UBXN11: variants seen among roughly 807,000 people sequenced by gnomAD.
UBXN11 encodes UBX domain-containing protein 11.
UBXN11 carries 47 observed loss-of-function variants against 62.8 expected under a neutral mutation model. That is an observed-to-expected ratio of 0.75 (90% confidence interval 0.59 to 0.95). The LOEUF (loss-of-function observed/expected upper bound fraction) is 0.95, where lower values mean the gene tolerates loss of function less well. UBXN11 is among the 40% of genes least tolerant of loss of function. The probability of loss-of-function intolerance (pLI) is 0.00; values close to 1 mark genes in which losing one functional copy is unlikely to be tolerated. For missense variants in UBXN11, 638 were observed against 661.7 expected, an observed-to-expected ratio of 0.96 and a Z score of 0.39; for synonymous variants, 294 against 267.0, an observed-to-expected ratio of 1.10 and a Z score of -0.99.
chr1:26,282,615 C>T (rs756296771), intron 14 of UBXN11, 34 bp downstream of exon 14: 2 of 1,612,888 alleles, frequency 1.2e-6, no homozygotes, highest in Admixed American at 3.3e-5. Flanking sequence ...GGGACCAGAG[C>T]CCCTCTGTGG....
intron 8 of UBXN11, among the ~76,000 whole-genome samples, chr1:26,291,111 G>A (rs1400811191): frequency 1.3e-5 from 2 of 152,110 alleles, no homozygotes; most frequent in African/African-American, 2.4e-5. Context: ...CCACTGGCTC[G>A]GCACAGACGG....
intron 1 of UBXN11, chr1:26,306,285 CACA>C (rs1394873122): frequency 2.0e-5 from 3 of 152,378 alleles, no homozygotes; most frequent in African/African-American, 7.2e-5. Context: ...GTGCTTGACT[CACA>C]ACATTCTTCT....
At position 26,298,054 on chromosome 1, in the gene UBXN11, A is replaced by G. The variant is rs1385004996; in HGVS notation, c.208T>C (p.Ser70Pro). 2.5e-6 allele frequency: 4 copies of G among 1,613,184 alleles called. No individual in the cohort carries two copies. In the African/African-American group the frequency reaches 5.3e-5, roughly 22 times the overall value. The change falls in exon 5 of 15, where the codon TCC becomes CCC. Residue 70 changes from serine to proline, a missense_variant. By Grantham distance (74) the Ser-to-Pro change is moderately conservative. Transcript: ENST00000374222. ...GAPVSRQVPA[S>P]HDSELMAFMT... ...AAGGCCATCAGCTCCGAGTCATGGG[A>G]TGCAGGGACTGCCAAGCACACAAAG...
intron 9 of UBXN11, 31 bp from the exon 10 acceptor site, chr1:26,285,572 G>T: frequency 6.5e-7 from 1 of 1,533,020 alleles, no homozygotes; most frequent in South Asian, 1.3e-5. Context: ...TGAGGGGGTG[G>T]CCTGGGCCTT....
chr1:26,301,692 AC>A lies in UBXN11; in HGVS notation c.100+1del. On this transcript the variant is annotated splice_donor_variant, in intron 3 of 14. Transcript: ENST00000374222. LOFTEE classifies it high-confidence loss of function. The stretch of plus-strand genomic sequence containing the variant: ...GAGGGCACGAGGGCGGGGCACACTT[AC>A]CATCTCCATAGATGCGGATTCCTCG... 1 of 1,613,920 alleles carries A rather than the reference AC, an allele frequency of 6.2e-7. No homozygotes were observed. Among genetic ancestry groups the A allele is most frequent in the Non-Finnish European group, 8.5e-7 (1 of 1,179,928 alleles).
chr1:26,292,503 G>C (rs755268110), intron 8 of UBXN11, among the ~76,000 whole-genome samples: 2 of 151,976 alleles, frequency 1.3e-5, no homozygotes, highest in African/African-American at 4.8e-5. Flanking sequence ...AGGCAAAAGT[G>C]AGACCCTGCC....
intron 8 of UBXN11, 24 bp downstream of exon 8, chr1:26,294,181 C>T (rs376177405): frequency 6.8e-6 from 11 of 1,612,578 alleles, no homozygotes; most frequent in Admixed American, 1.7e-5. Context: ...TTGAAGAGGG[C>T]CTGGGGCAGA....
At chr1:26,293,311 A>G (rs1045044379) in intron 8 of UBXN11, among the ~76,000 whole-genome samples, 1 of 152,156 alleles carries the variant, frequency 6.6e-6, no homozygotes, top group African/African-American at 2.4e-5. Flanking sequence ...TTTGGGTGAC[A>G]ATCTCCATTC....
At chr1:26,302,974 G>C (rs11803933) in intron 1 of UBXN11, 56 bp from the exon 2 acceptor site, 932,436 of 1,297,338 alleles carry the variant, frequency 0.72, 340,339 homozygotes, top group Non-Finnish European at 0.76. Flanking sequence ...CCAAGCCCAG[G>C]GGGTAGCCTG....
intron 8 of UBXN11, among the ~76,000 whole-genome samples, chr1:26,293,119 G>A (rs991147974): frequency 2.0e-5 from 3 of 152,212 alleles, no homozygotes; most frequent in Non-Finnish European, 4.4e-5. Flanking sequence ...AACAATGGCT[G>A]CAAGGCCAGA....
chr1:26,302,512 A>C (rs2073563790), intron 2 of UBXN11, among the ~76,000 whole-genome samples: 2 of 152,206 alleles, frequency 1.3e-5, no homozygotes, highest in Non-Finnish European at 2.9e-5. Context: ...GGCCTGGCCC[A>C]GGATAGGTCC....
Position 26,285,225 on chromosome 1 carries a change from G to A in UBXN11, c.852+239C>T, listed in dbSNP as rs549742484. On this transcript the variant is annotated intron_variant, in intron 10 of 14. Transcript: ENST00000374222. ...AAGCTGGGGAGGACTAGAAGGCAGGGGCCCCGCAGCCGAGGCTGTCTCCAG... is the reference window on the plus strand; with the variant it reads ...AAGCTGGGGAGGACTAGAAGGCAGGAGCCCCGCAGCCGAGGCTGTCTCCAG... The A allele has an allele frequency of 1.6e-4, 207 of 1,309,296 alleles. No individual in the cohort carries two copies. In the African/African-American group the frequency reaches 2.4e-3, roughly 15 times the overall value. The allele number at this position is 1,309,296 out of a possible 1,614,324, so 81.1% of individuals were successfully genotyped here. A position where few individuals can be genotyped will look rare whatever the true frequency, so the allele number is the denominator to read the frequency against.
chr1:26,301,161 G>A (rs2073524759), intron 3 of UBXN11, 137 bp from the exon 4 acceptor site: 2 of 1,505,538 alleles, frequency 1.3e-6, no homozygotes, highest in Admixed American at 4.3e-5. Context: ...ACAAGGCTGG[G>A]GAGCAAGGAT....
chr1:26,282,661 AG>A lies in UBXN11; in HGVS notation c.1279del (p.Leu427Ter). ...GCCCTGCACCCACCTGGCCTGCGCT[AG>A]CAGAGCTCGCACGTCCCCAATGGTG... ...DNTIGDVRAL[L>X]AQARVMDASA... On this transcript the variant is annotated frameshift_variant, in exon 14 of 15. Transcript: ENST00000374222. LOFTEE classifies it low-confidence loss of function (END_TRUNC). 1.2e-6 allele frequency: 2 copies of A among 1,614,116 alleles called. No homozygotes were observed. Among genetic ancestry groups the A allele is most frequent in the Non-Finnish European group, 1.7e-6 (2 of 1,180,022 alleles).
intron 1 of UBXN11, chr1:26,317,835 C>T: frequency 1.7e-6 from 1 of 596,354 alleles, no homozygotes; most frequent in Non-Finnish European, 3.0e-6. Context: ...TATTATCCAC[C>T]CCCAGATCTG....
chr1:26,296,812 C>T (rs999856002), intron 7 of UBXN11, 107 bp downstream of exon 7: 20 of 1,189,136 alleles, frequency 1.7e-5, no homozygotes, highest in Admixed American at 2.4e-5. Context: ...TGGGATGTGA[C>T]GAGGAGAGGC....
In UBXN11 at chr1:26,282,588, A is replaced by C. The variant is rs1012846171; in HGVS notation, c.1293-19T>G. On this transcript the variant is annotated intron_variant, in intron 14 of 14. Transcript: ENST00000374222. ...CATGACCCTGGGGACCAGGCAGAGC[A>C]GATCAGGCTGGGCAGTGGGACCAGA... The C allele has an allele frequency of 1.2e-6, 2 of 1,610,198 alleles. No individual in the cohort carries two copies. The highest frequency in any genetic ancestry group is 3.3e-5 in the Admixed American group (2 of 59,872).
chr1:26,297,801 G>A lies in UBXN11; in HGVS notation c.300+161C>T, dbSNP rs182770114. Among the ~76,000 whole-genome samples the A allele has an allele frequency of 7.9e-5, 12 of 152,332 alleles. No homozygotes were observed. In the East Asian group the frequency reaches 2.3e-3, roughly 29 times the overall value. On this transcript the variant is annotated intron_variant, in intron 5 of 14. Coordinates refer to ENST00000374222, the MANE Select transcript of UBXN11 (RefSeq NM_001389556.1). ...CCCCAGCCTCTCGGCTCAGGTCACAGGACCTAGATCAGGCCCAGGCCACAC... is the reference window on the plus strand; with the variant it reads ...CCCCAGCCTCTCGGCTCAGGTCACAAGACCTAGATCAGGCCCAGGCCACAC...
At chr1:26,299,007 C>A (rs1322761619) in intron 4 of UBXN11, among the ~76,000 whole-genome samples, 2 of 152,152 alleles carry the variant, frequency 1.3e-5, no homozygotes, top group African/African-American at 2.4e-5. Context: ...TGAATTAACA[C>A]CCCTGGAGCT....
Sources: allele counts gnomAD v4.1 joint callset (sites outside exome capture counted in the v4.1 genomes callset), GRCh38; gene constraint gnomAD v4.1.1; transcripts MANE v1.5; gene names NCBI Gene and HGNC (gene_info 2026-07-23, HGNC 2026-07-21).